The following TRPC6 variants were observed in gnomAD, a reference collection of about 807,000 sequenced individuals.
TRPC6 encodes short transient receptor potential channel 6.
In TRPC6, 55 loss-of-function variants were observed where a neutral mutation model predicts 90.7. That is an observed-to-expected ratio of 0.61 (90% CI 0.49 to 0.76). The LOEUF (loss-of-function observed/expected upper bound fraction) is 0.76, where lower values mean the gene tolerates loss of function less well. Among genes scored for constraint, TRPC6 ranks in the 30% least tolerant of loss-of-function variants. The probability of loss-of-function intolerance (pLI) is 0.00; values close to 1 mark genes in which losing one functional copy is unlikely to be tolerated. For synonymous variants in TRPC6, 393 were observed against 393.0 expected (o/e 1.00, Z 0.00); for missense variants, 989 against 1,122.7 (o/e 0.88, Z 1.70).
Position 101,534,583 on chromosome 11 carries a change from TA to T in TRPC6, c.171-29786del, listed in dbSNP as rs201189266. On this transcript the variant is annotated intron_variant, in intron 1 of 12. Transcript: ENST00000344327. ...TGTTGATAATGACAAGGAAGTTTAT[TA>T]AAAAAAAAAACCCAGGTCACTACAT... Among the ~76,000 whole-genome samples, 2,577 of 145,668 alleles carry T rather than the reference TA, an allele frequency of 0.018. 129 individuals are homozygous for T. The East Asian group carries it at 0.2, about 12-fold the overall frequency.
chr11:101,542,000 G>A (rs1861183078), intron 1 of TRPC6, among the ~76,000 whole-genome samples: 1 of 152,174 alleles, frequency 6.6e-6, no homozygotes, highest in Non-Finnish European at 1.5e-5. Flanking sequence ...ATTGAAATCA[G>A]CAATTGTTAG....
chr11:101,522,448 C>A (rs1208214007), intron 1 of TRPC6, among the ~76,000 whole-genome samples: 1 of 152,196 alleles, frequency 6.6e-6, no homozygotes, highest in African/African-American at 2.4e-5. Context: ...AATTAAACCT[C>A]TTTTCTTTAT....
chr11:101,459,036 T>C (rs1265075877), intron 10 of TRPC6, among the ~76,000 whole-genome samples: 1 of 152,220 alleles, frequency 6.6e-6, no homozygotes, highest in Non-Finnish European at 1.5e-5. Context: ...ATATAAATGA[T>C]TGCCTTAAAA....
chr11:101,491,833 A>AATTT, intron 2 of TRPC6, 95 bp from the exon 3 acceptor site: 1 of 778,586 alleles, frequency 1.3e-6, no homozygotes, highest in Non-Finnish European at 1.8e-6. Context: ...TAAGAGAAAC[A>AATTT]TTCTTTTTTT....
chr11:101,482,458 A>G (rs1859573768), intron 5 of TRPC6, among the ~76,000 whole-genome samples: 1 of 152,224 alleles, frequency 6.6e-6, no homozygotes, highest in Admixed American at 6.5e-5. Context: ...TATAAAATAG[A>G]TGTGATTATA....
At chr11:101,568,674 A>C (rs1861889002) in intron 1 of TRPC6, among the ~76,000 whole-genome samples, 1 of 152,246 alleles carries the variant, frequency 6.6e-6, no homozygotes, top group South Asian at 2.1e-4. Flanking sequence ...TCTTGGCAGA[A>C]ACCCTACAAG....
At position 101,504,234 on chromosome 11, in the gene TRPC6, A is replaced by T. The variant is rs1203493012; in HGVS notation, c.735T>A (p.Ile245=). Residue 245 remains isoleucine, a synonymous_variant, in exon 2 of 13, where the codon ATT becomes ATA. Transcript: ENST00000344327. ...VHTLLRKGAR[I]ERPHDYFCKC... is the part of the protein sequence containing the mutation. ...TGCAGAAATAATCATGAGGCCGTTC[A>T]ATCCTAGCACCCTTCCGCAGGAGGG... 5 of 1,614,134 alleles carry T rather than the reference A, an allele frequency of 3.1e-6. No homozygotes were observed. The highest frequency in any genetic ancestry group is 4.2e-6 in the Non-Finnish European group (5 of 1,179,994).
At chr11:101,486,037 C>T (rs1314667339) in intron 4 of TRPC6, among the ~76,000 whole-genome samples, 2 of 152,034 alleles carry the variant, frequency 1.3e-5, no homozygotes, top group East Asian at 1.9e-4. Flanking sequence ...TCTTCTTCTG[C>T]TTATTAAAAG....
intron 2 of TRPC6, among the ~76,000 whole-genome samples, chr11:101,501,118 T>C (rs929625264): frequency 6.7e-6 from 1 of 148,618 alleles, no homozygotes; most frequent in East Asian, 1.9e-4. Context: ...CATACATACA[T>C]ACATACATAC....
chr11:101,507,008 C>G, intron 1 of TRPC6, among the ~76,000 whole-genome samples: 1 of 7,798 alleles, frequency 1.3e-4, no homozygotes, highest in Admixed American at 2.2e-3. Context: ...CTCTCTCTAA[C>G]ACACACACAC....
intron 1 of TRPC6, among the ~76,000 whole-genome samples, chr11:101,529,743 C>G (rs918314782): frequency 6.6e-6 from 1 of 152,096 alleles, no homozygotes; most frequent in South Asian, 2.1e-4. Flanking sequence ...GCTCATATAC[C>G]CACACAGCAA....
At chr11:101,530,463 TG>T (rs933128526) in intron 1 of TRPC6, among the ~76,000 whole-genome samples, 1 of 152,056 alleles carries the variant, frequency 6.6e-6, no homozygotes, top group African/African-American at 2.4e-5. Flanking sequence ...GACATGAGGC[TG>T]GGCTGTAGAC....
At chr11:101,456,308 C>T (rs933611471) in intron 10 of TRPC6, among the ~76,000 whole-genome samples, 4 of 152,148 alleles carry the variant, frequency 2.6e-5, no homozygotes, top group African/African-American at 9.7e-5. Flanking sequence ...TAGTTTCTAT[C>T]ATTCAAGCCC....
At chr11:101,491,833 ATTCTTT>A (rs1301372362) in intron 2 of TRPC6, 95 bp from the exon 3 acceptor site, 29 of 782,362 alleles carry the variant, frequency 3.7e-5, no homozygotes, top group South Asian at 1.0e-4. Context: ...TAAGAGAAAC[ATTCTTT>A]TTTTTTTTTT....
intron 4 of TRPC6, among the ~76,000 whole-genome samples, chr11:101,486,084 C>CTTGTT (rs10567537): frequency 2.4e-4 from 37 of 151,350 alleles, no homozygotes; most frequent in Admixed American, 3.9e-4. Context: ...TTGGTGTTTT[C>CTTGTT]TTGTTTTGTT....
At chr11:101,453,533 T>G in intron 12 of TRPC6, 117 bp downstream of exon 12, 1 of 1,019,148 alleles carries the variant, frequency 9.8e-7, no homozygotes, top group Non-Finnish European at 1.5e-6. Context: ...CCTGTTCTAC[T>G]TTTCCCCTTG....
chr11:101,486,972 T>C (rs565840330), intron 4 of TRPC6, among the ~76,000 whole-genome samples: 16 of 152,252 alleles, frequency 1.1e-4, no homozygotes, highest in Admixed American at 2.6e-4. Context: ...GTCCTTTTAA[T>C]TTGATTATTT....
chr11:101,544,879 T>TAAAA (rs764707474), intron 1 of TRPC6, among the ~76,000 whole-genome samples: 1 of 151,722 alleles, frequency 6.6e-6, no homozygotes, highest in Non-Finnish European at 1.5e-5. Context: ...AAAGTATAAT[T>TAAAA]AAAAAAAATG....
chr11:101,461,744 A>T (rs1447960353), intron 10 of TRPC6, among the ~76,000 whole-genome samples: 1 of 152,042 alleles, frequency 6.6e-6, no homozygotes, highest in African/African-American at 2.4e-5. Flanking sequence ...AAACTATAGA[A>T]GTATTAAGGA....
Sources: allele counts gnomAD v4.1 joint callset (sites outside exome capture counted in the v4.1 genomes callset), GRCh38; gene constraint gnomAD v4.1.1; transcripts MANE v1.5; gene names NCBI Gene and HGNC (gene_info 2026-07-23, HGNC 2026-07-21).